IL1RAPL1: variants seen among roughly 807,000 people sequenced by gnomAD.
IL1RAPL1 encodes the protein interleukin-1 receptor accessory protein-like 1.
In IL1RAPL1, 3 loss-of-function variants were observed where a neutral mutation model predicts 48.4. The ratio of observed to expected loss-of-function variants is 0.06; its 90% CI spans 0.03 to 0.16. The LOEUF (loss-of-function observed/expected upper bound fraction) is 0.16, where lower values mean the gene tolerates loss of function less well. IL1RAPL1 is among the 10% of genes least tolerant of loss of function. IL1RAPL1 has a pLI of 1.00. For synonymous variants in IL1RAPL1, 185 were observed against 187.7 expected, an observed-to-expected ratio of 0.99 and a Z score of 0.12; for missense variants, 349 against 530.6, an observed-to-expected ratio of 0.66 and a Z score of 3.36.
intron 2 of IL1RAPL1, among the ~76,000 whole-genome samples, chrX:29,274,793 C>G (rs1030629412): frequency 9.9e-5 from 11 of 111,242 alleles, no homozygotes; most frequent in Non-Finnish European, 9.4e-5. Context: ...TCTGCTTTTG[C>G]TCCTCATTTC....
intron 2 of IL1RAPL1, among the ~76,000 whole-genome samples, chrX:29,228,218 ACACAC>A (rs1931122060): frequency 2.7e-5 from 2 of 72,783 alleles, no homozygotes; most frequent in African/African-American, 9.1e-5. Flanking sequence ...ACACACACAC[ACACAC>A]AACTGTGACC....
intron 1 of IL1RAPL1, among the ~76,000 whole-genome samples, chrX:28,646,970 C>T (rs921681980): frequency 3.6e-5 from 4 of 111,847 alleles, no homozygotes; most frequent in East Asian, 2.8e-4. Flanking sequence ...AATTCTAAGC[C>T]GAATGACTGT....
chrX:29,047,110 A>T, intron 2 of IL1RAPL1, among the ~76,000 whole-genome samples: 1 of 112,314 alleles, frequency 8.9e-6, no homozygotes, highest in Non-Finnish European at 1.9e-5. Context: ...TAAGTAAAAA[A>T]ATAAAAATTG....
At chrX:29,520,252 T>C (rs1246177422) in intron 5 of IL1RAPL1, among the ~76,000 whole-genome samples, 1 of 112,192 alleles carries the variant, frequency 8.9e-6, no homozygotes, top group Non-Finnish European at 1.9e-5. Context: ...GTTCTTTCCT[T>C]ACGTTCCCAG....
chrX:28,786,651 A>G (rs1310482209), intron 1 of IL1RAPL1, among the ~76,000 whole-genome samples: 1 of 111,935 alleles, frequency 8.9e-6, no homozygotes, highest in Non-Finnish European at 1.9e-5. Context: ...GGATATATAG[A>G]CTTTCTGCTC....
chrX:29,658,777 G>A (rs755762791), intron 5 of IL1RAPL1, among the ~76,000 whole-genome samples: 2 of 111,751 alleles, frequency 1.8e-5, no homozygotes, highest in South Asian at 7.5e-4. Context: ...AGGGTAATGG[G>A]GATAGCCCTC....
At chrX:29,331,098 C>G (rs1292318661) in intron 3 of IL1RAPL1, among the ~76,000 whole-genome samples, 4 of 111,088 alleles carry the variant, frequency 3.6e-5, no homozygotes, top group Non-Finnish European at 5.7e-5. Flanking sequence ...ACCCAGGAGG[C>G]GGAGGTTGCA....
chrX:29,462,008 T>C (rs1934808738), intron 5 of IL1RAPL1, among the ~76,000 whole-genome samples: 1 of 112,258 alleles, frequency 8.9e-6, no homozygotes, highest in African/African-American at 3.2e-5. Flanking sequence ...ATTTTATTAT[T>C]ATATGTAACA....
intron 2 of IL1RAPL1, among the ~76,000 whole-genome samples, chrX:28,805,180 G>GA (rs1479431484): frequency 9.0e-6 from 1 of 110,910 alleles, no homozygotes; most frequent in Non-Finnish European, 1.9e-5. Flanking sequence ...AGGAATAAAA[G>GA]AAAGAGAGAT....
intron 6 of IL1RAPL1, among the ~76,000 whole-genome samples, chrX:29,680,505 G>T (rs7891023): frequency 0.082 from 9,015 of 110,512 alleles, 650 homozygotes; most frequent in East Asian, 0.24. Flanking sequence ...TCTCTCTCCT[G>T]TGATGAAGCC....
chrX:29,876,769 T>A (rs1178946855), intron 6 of IL1RAPL1, among the ~76,000 whole-genome samples: 2 of 111,621 alleles, frequency 1.8e-5, no homozygotes, highest in Admixed American at 9.5e-5. Context: ...TCAGAAAAAA[T>A]TAAGCTTATA....
intron 8 of IL1RAPL1, among the ~76,000 whole-genome samples, chrX:29,920,445 G>A (rs1345789834): frequency 1.8e-5 from 2 of 110,924 alleles, no homozygotes; most frequent in South Asian, 3.9e-4. Context: ...AAATGTGAAG[G>A]GCTTGACAGA....
At chrX:29,869,767 T>A (rs1320637206) in intron 6 of IL1RAPL1, among the ~76,000 whole-genome samples, 2 of 110,609 alleles carry the variant, frequency 1.8e-5, no homozygotes, top group African/African-American at 3.3e-5. Context: ...CAAGTGGCCC[T>A]CTTTGGCATA....
chrX:29,603,974 A>G (rs1356611091), intron 5 of IL1RAPL1, among the ~76,000 whole-genome samples: 2 of 112,189 alleles, frequency 1.8e-5, no homozygotes, highest in Non-Finnish European at 3.8e-5. Flanking sequence ...GTTAAATTTG[A>G]CAACTCTTTG....
chrX:29,915,230 GA>G (rs1932788679), intron 6 of IL1RAPL1, among the ~76,000 whole-genome samples: 1 of 112,009 alleles, frequency 8.9e-6, no homozygotes, highest in Non-Finnish European at 1.9e-5. Context: ...CCGGGAGGCA[GA>G]GGCTGCAGTG....
intron 2 of IL1RAPL1, among the ~76,000 whole-genome samples, chrX:29,066,196 G>T (rs778506985): frequency 2.7e-5 from 3 of 112,019 alleles, no homozygotes; most frequent in Admixed American, 1.9e-4. Flanking sequence ...TTTTGTTGTT[G>T]TTTGCTTGTT....
intron 5 of IL1RAPL1, among the ~76,000 whole-genome samples, chrX:29,576,770 A>G (rs1922789410): frequency 9.0e-6 from 1 of 111,432 alleles, no homozygotes; most frequent in Non-Finnish European, 1.9e-5. Context: ...TCGAGATGAA[A>G]GAAAAATTCC....
At chrX:29,433,036 A>G (rs995240128) in intron 5 of IL1RAPL1, among the ~76,000 whole-genome samples, 23 of 110,080 alleles carry the variant, frequency 2.1e-4, no homozygotes, top group East Asian at 8.5e-4. Flanking sequence ...TCATCTCCCC[A>G]TGAGATTTTA....
At chrX:29,643,873 T>C (rs1024317135) in intron 5 of IL1RAPL1, among the ~76,000 whole-genome samples, 1 of 112,207 alleles carries the variant, frequency 8.9e-6, no homozygotes, top group Non-Finnish European at 1.9e-5. Context: ...CACTAGCATT[T>C]ATGGAACACA....
Sources: gnomAD v4.1 joint callset for allele counts (sites outside exome capture counted in the v4.1 genomes callset) on GRCh38, gnomAD v4.1.1 for gene constraint, MANE v1.5 for transcripts, NCBI Gene and HGNC (gene_info 2026-07-23, HGNC 2026-07-21) for gene names.